Variants in BSN observed in about 807,000 individuals in gnomAD.
The protein encoded by BSN is protein bassoon.
Under a neutral mutation model 264.8 loss-of-function variants are expected in BSN, and 57 were observed. The ratio of observed to expected loss-of-function variants is 0.22; its 90% confidence interval spans 0.17 to 0.27. The LOEUF is 0.27. Among genes scored for constraint, BSN ranks in the 10% least tolerant of loss-of-function variants. The probability of loss-of-function intolerance (pLI) is 1.00; values close to 1 mark genes in which losing one functional copy is unlikely to be tolerated. For missense variants in BSN, 4,615 were observed against 5,232.5 expected (o/e 0.88, Z 3.64); for synonymous variants, 2,059 against 2,137.3 (o/e 0.96, Z 1.01).
chr3:49,606,552 G>A (rs1014875828), intron 1 of BSN, among the ~76,000 whole-genome samples: 1 of 151,368 alleles, frequency 6.6e-6, no homozygotes, highest in Non-Finnish European at 1.5e-5. Context: ...TGCTCACTAC[G>A]AGGTAGCCAG....
At chr3:49,636,783 G>A (rs1053200324) in intron 2 of BSN, among the ~76,000 whole-genome samples, 2 of 152,222 alleles carry the variant, frequency 1.3e-5, no homozygotes, top group East Asian at 3.9e-4. Flanking sequence ...TAAGCCTGAG[G>A]TCAGCTAGCT....
intron 10 of BSN, among the ~76,000 whole-genome samples, 163 bp downstream of exon 10, chr3:49,665,016 A>G (rs2052701760): frequency 6.6e-6 from 1 of 151,954 alleles, no homozygotes; most frequent in Non-Finnish European, 1.5e-5. Flanking sequence ...GTGGGAGGAG[A>G]AAAAGGAGGG....
At chr3:49,568,328 T>C (rs2051769904) in intron 1 of BSN, among the ~76,000 whole-genome samples, 1 of 152,194 alleles carries the variant, frequency 6.6e-6, no homozygotes, top group Non-Finnish European at 1.5e-5. Context: ...CAATGGCATA[T>C]ACCGTACTTT....
At chr3:49,572,747 A>G (rs905547703) in intron 1 of BSN, among the ~76,000 whole-genome samples, 1 of 152,100 alleles carries the variant, frequency 6.6e-6, no homozygotes, top group Non-Finnish European at 1.5e-5. Context: ...GTTAGCCAGG[A>G]TGGTCTTGAT....
Position 49,656,496 on chromosome 3 carries a change from A to C in BSN, c.6940A>C (p.Thr2314Pro). The part of the protein sequence containing the change: ...GAAREEPLPT[T>P]TPAAIKEAAG... Reference sequence around the variant, plus strand: ...TGCACGGGAAGAGCCTCTTCCCACAACCACCCCTGCTGCCATCAAGGAGGC... The same window carrying C: ...TGCACGGGAAGAGCCTCTTCCCACACCCACCCCTGCTGCCATCAAGGAGGC... Residue 2314 changes from threonine to proline, a missense_variant, in exon 5 of 12, where the codon ACC (threonine) becomes CCC (proline). Around this residue, in one of 3 missense-constraint regions of BSN, gnomAD observed 3,415 missense variants for 3,866.4 expected, o/e 0.88. Transcript: ENST00000296452. 6.3e-7 allele frequency: 1 copy of C among 1,592,946 alleles called. No individual in the cohort carries two copies. The highest frequency in any genetic ancestry group is 8.6e-7 in the Non-Finnish European group (1 of 1,167,804).
chr3:49,616,796 G>A (rs1372166539), intron 1 of BSN, among the ~76,000 whole-genome samples: 3 of 152,152 alleles, frequency 2.0e-5, no homozygotes, highest in Admixed American at 1.3e-4. Context: ...AGTCACTGAC[G>A]CTGGCCTCGT....
chr3:49,586,459 C>G (rs1202020009), intron 1 of BSN, among the ~76,000 whole-genome samples: 1 of 152,100 alleles, frequency 6.6e-6, no homozygotes, highest in African/African-American at 2.4e-5. Flanking sequence ...ACTGCAGCCT[C>G]AACCTCAGCC....
Position 49,664,835 on chromosome 3 carries a change from G to A in BSN, c.11777G>A (p.Trp3926Ter). 6.2e-7 allele frequency: 1 copy of A among 1,612,954 alleles called. No homozygotes were observed. The highest frequency in any genetic ancestry group is 2.2e-5 in the East Asian group (1 of 44,872). Residue 3926 changes from tryptophan (W) to a stop codon, truncating the protein, a stop_gained, in exon 10 of 12, where the codon TGG (tryptophan) becomes TAG (stop). Transcript: ENST00000296452. LOFTEE classifies it high-confidence loss of function. ...TTTGGCAAAAAATTTTCCTCATTCT[G>A]GTGACCATGCCCAGCATGGTGAGTA... ...SAFGKKFSSF[W>*]
intron 1 of BSN, among the ~76,000 whole-genome samples, chr3:49,571,707 A>C (rs1316460515): frequency 6.6e-6 from 1 of 152,106 alleles, no homozygotes; most frequent in East Asian, 1.9e-4. Context: ...GACATGGGGG[A>C]TAACTCTGTA....
intron 1 of BSN, among the ~76,000 whole-genome samples, chr3:49,579,300 T>C (rs750726317): frequency 5.9e-5 from 9 of 152,002 alleles, no homozygotes; most frequent in Non-Finnish European, 1.3e-4. Context: ...GTTACTTCTT[T>C]CCTTCTTATT....
chr3:49,593,995 G>A (rs888546512), intron 1 of BSN, among the ~76,000 whole-genome samples: 1 of 151,556 alleles, frequency 6.6e-6, no homozygotes, highest in Non-Finnish European at 1.5e-5. Flanking sequence ...GTAGAGACAG[G>A]GTTTCACCGT....
chr3:49,606,235 A>ATATATGTATATATTATATATACATATAT lies in BSN; in HGVS notation c.225-18719_225-18718insCATATATTATATGTATATATTATATATA, dbSNP rs1386373666. 1.0e-3 allele frequency among the ~76,000 whole-genome samples: 61 copies of ATATATGTATATATTATATATACATATAT among 59,696 alleles called. 5 individuals carry two copies. The highest frequency in any genetic ancestry group is 1.5e-3 in the Non-Finnish European group (51 of 34,180). The allele number at this position is 59,696 out of a possible 152,430, so 39.2% of individuals were successfully genotyped here. A position where few individuals can be genotyped will look rare whatever the true frequency, so the allele number is the denominator to read the frequency against. On this transcript the variant is annotated intron_variant, in intron 1 of 11. Coordinates refer to ENST00000296452, the MANE Select transcript of BSN (RefSeq NM_003458.4). ...TGTATATATTATATATACATATATT[A>ATATATGTATATATTATATATACATATAT]TATATGTATATATTATATATAAAAT...
chr3:49,662,919 C>A lies in BSN; in HGVS notation c.10761C>A (p.Pro3587=). 8 of 1,609,324 alleles carry A rather than the reference C, an allele frequency of 5.0e-6. No individual in the cohort carries two copies. Among genetic ancestry groups the A allele is most frequent in the Non-Finnish European group, 6.8e-6 (8 of 1,177,502 alleles). The change falls in exon 7 of 12, where the codon CCC becomes CCA. Residue 3587 remains proline, a synonymous_variant. Transcript: ENST00000296452. The part of the protein sequence containing the change: ...GQEETDWFDK[P]RDARSDRFRH... ...AGGAGACGGACTGGTTTGATAAGCC[C>A]CGGGATGCCCGCTCTGACCGGTTCA...
chr3:49,558,511 T>C (rs1435383417), intron 1 of BSN, among the ~76,000 whole-genome samples: 1 of 152,222 alleles, frequency 6.6e-6, no homozygotes, highest in Non-Finnish European at 1.5e-5. Context: ...TTTTTCAAAA[T>C]GGATTTGTCA....
Position 49,662,299 on chromosome 3 carries a change from C to T in BSN, c.10454C>T (p.Ser3485Phe). 1 of 1,613,892 alleles carries T rather than the reference C, an allele frequency of 6.2e-7. No individual in the cohort carries two copies. The change falls in exon 6 of 12, where the codon TCC (serine) becomes TTC (phenylalanine). Residue 3485 changes from serine (S) to phenylalanine (F), a missense_variant. Coordinates refer to ENST00000296452, the MANE Select transcript of BSN (RefSeq NM_003458.4). Reference sequence around the variant, plus strand: ...CAAAAAGCGGGCCCCAAGCCCTCATCCCTAAGTATGGCCCACAGCCGGGTA... The same window carrying T: ...CAAAAAGCGGGCCCCAAGCCCTCATTCCTAAGTATGGCCCACAGCCGGGTA... ...RLQKAGPKPS[S>F]LSMAHSRVRP...
At chr3:49,640,557 G>A (rs569804019) in intron 2 of BSN, 3 of 152,218 alleles carry the variant, frequency 2.0e-5, no homozygotes, top group Non-Finnish European at 4.4e-5. Flanking sequence ...GGAGTGCAGC[G>A]GCACAGTCTT....
chr3:49,570,099 C>T (rs2051784306), intron 1 of BSN, among the ~76,000 whole-genome samples: 1 of 152,200 alleles, frequency 6.6e-6, no homozygotes, highest in African/African-American at 2.4e-5. Flanking sequence ...AGCCAACAGA[C>T]TGGAATAGGA....
chr3:49,645,812 C>A (rs1050389973), intron 3 of BSN, among the ~76,000 whole-genome samples: 4 of 152,180 alleles, frequency 2.6e-5, no homozygotes, highest in Admixed American at 2.6e-4. Flanking sequence ...GAGACACTTA[C>A]CCTGCCTTGG....
chr3:49,624,902 T>C, intron 1 of BSN, 73 bp from the exon 2 acceptor site: 1 of 1,412,100 alleles, frequency 7.1e-7, no homozygotes, highest in Non-Finnish European at 9.4e-7. Context: ...CAGGGTCACC[T>C]AGCTTGGTAG....
Sources: gnomAD v4.1 joint callset for allele counts (sites outside exome capture counted in the v4.1 genomes callset) on GRCh38, gnomAD v4.1.1 for gene constraint, gnomAD v4.1.1 regional missense constraint, MANE v1.5 for transcripts, NCBI Gene and HGNC (gene_info 2026-07-23, HGNC 2026-07-21) for gene names.